Variants in TOX observed in about 807,000 individuals in gnomAD.
TOX encodes thymocyte selection-associated high mobility group box protein TOX.
Under a neutral mutation model 53.7 loss-of-function variants are expected in TOX, and 11 were observed. The ratio of observed to expected loss-of-function variants is 0.20; its 90% CI spans 0.13 to 0.34. The LOEUF is 0.34. Among genes scored for constraint, TOX ranks in the 10% least tolerant of loss-of-function variants. TOX has a pLI of 1.00. For synonymous variants in TOX, 225 were observed against 245.3 expected (o/e 0.92, Z 0.77); for missense variants, 570 against 664.6 (o/e 0.86, Z 1.56).
intron 1 of TOX, among the ~76,000 whole-genome samples, chr8:59,111,707 A>G (rs1805019427): frequency 6.6e-6 from 1 of 152,192 alleles, no homozygotes; most frequent in Non-Finnish European, 1.5e-5. Flanking sequence ...TATCATCACT[A>G]CTGTGGATCA....
intron 6 of TOX, among the ~76,000 whole-genome samples, chr8:58,826,459 A>G (rs1266792893): frequency 6.6e-6 from 1 of 152,208 alleles, no homozygotes; most frequent in Non-Finnish European, 1.5e-5. Context: ...TAATGAGTCT[A>G]GAACTTAGAG....
chr8:58,832,364 C>T (rs576653735), intron 5 of TOX, among the ~76,000 whole-genome samples: 1 of 151,884 alleles, frequency 6.6e-6, no homozygotes, highest in South Asian at 2.1e-4. Context: ...ATCCTTCACT[C>T]CTAGTTTTTA....
intron 4 of TOX, among the ~76,000 whole-genome samples, chr8:58,848,292 G>C (rs1229762348): frequency 6.6e-6 from 1 of 151,716 alleles, no homozygotes; most frequent in African/African-American, 2.4e-5. Context: ...AGAAAAATAA[G>C]AGCAATCTTA....
intron 3 of TOX, among the ~76,000 whole-genome samples, chr8:58,890,813 T>C (rs1426540511): frequency 6.6e-6 from 1 of 152,054 alleles, no homozygotes; most frequent in Non-Finnish European, 1.5e-5. Context: ...GACATAGATG[T>C]GTCAGTCCCC....
chr8:59,017,297 T>TCCAA (rs1814033500), intron 1 of TOX, among the ~76,000 whole-genome samples: 1 of 152,252 alleles, frequency 6.6e-6, no homozygotes, highest in South Asian at 2.1e-4. Flanking sequence ...ACCCTGTCTA[T>TCCAA]GTAAATTATG....
chr8:58,874,263 G>A (rs1447527431), intron 3 of TOX, among the ~76,000 whole-genome samples: 2 of 151,840 alleles, frequency 1.3e-5, no homozygotes, highest in Non-Finnish European at 2.9e-5. Flanking sequence ...AAAATTTCAG[G>A]AGGGAAAGTT....
intron 1 of TOX, among the ~76,000 whole-genome samples, chr8:59,084,627 A>G (rs1016700391): frequency 1.1e-4 from 16 of 152,188 alleles, no homozygotes; most frequent in African/African-American, 3.6e-4. Flanking sequence ...TAAGACTTCA[A>G]TAGATTGGGA....
intron 1 of TOX, among the ~76,000 whole-genome samples, chr8:59,085,680 G>A (rs968252021): frequency 6.6e-6 from 1 of 152,206 alleles, no homozygotes; most frequent in East Asian, 1.9e-4. Context: ...GAGCCACTGT[G>A]CCCAGCCTAA....
chr8:58,956,130 T>G (rs1399986068), intron 2 of TOX, among the ~76,000 whole-genome samples: 1 of 152,206 alleles, frequency 6.6e-6, no homozygotes, highest in South Asian at 2.1e-4. Flanking sequence ...AATAACCTAG[T>G]GCTGTAGAAA....
At chr8:58,900,108 T>C (rs1340852706) in intron 3 of TOX, among the ~76,000 whole-genome samples, 1 of 152,118 alleles carries the variant, frequency 6.6e-6, no homozygotes, top group Non-Finnish European at 1.5e-5. Flanking sequence ...CATTTGACCC[T>C]TCCTCTTTGA....
At chr8:58,837,780 T>C (rs1810571174) in intron 5 of TOX, among the ~76,000 whole-genome samples, 1 of 152,228 alleles carries the variant, frequency 6.6e-6, no homozygotes. Context: ...TTTTTCAGTC[T>C]TTATGTTCAC....
At chr8:58,820,207 C>T (rs968198869) in intron 6 of TOX, among the ~76,000 whole-genome samples, 1 of 151,544 alleles carries the variant, frequency 6.6e-6, no homozygotes, top group Non-Finnish European at 1.5e-5. Context: ...AAGCATTGTG[C>T]TTCTTTACTA....
At chr8:58,938,478 T>C (rs1330948104) in intron 3 of TOX, among the ~76,000 whole-genome samples, 1 of 152,206 alleles carries the variant, frequency 6.6e-6, no homozygotes, top group African/African-American at 2.4e-5. Flanking sequence ...TGACATGGTC[T>C]AAAGCTCTCT....
At chr8:59,080,540 T>C (rs1047072849) in intron 1 of TOX, among the ~76,000 whole-genome samples, 1 of 152,186 alleles carries the variant, frequency 6.6e-6, no homozygotes, top group Non-Finnish European at 1.5e-5. Context: ...GGGAAAGTCC[T>C]AGAGCAGAAT....
At chr8:59,009,475 C>T (rs986927435) in intron 1 of TOX, among the ~76,000 whole-genome samples, 3 of 152,036 alleles carry the variant, frequency 2.0e-5, no homozygotes, top group African/African-American at 7.2e-5. Flanking sequence ...CGGGTTCAAG[C>T]GTTTCTCCTG....
chr8:59,020,397 A>G (rs914822910), intron 1 of TOX, among the ~76,000 whole-genome samples: 1 of 152,136 alleles, frequency 6.6e-6, no homozygotes, highest in Non-Finnish European at 1.5e-5. Flanking sequence ...CTTTGCTGAG[A>G]ATGCTTTTCT....
intron 3 of TOX, among the ~76,000 whole-genome samples, chr8:58,895,121 G>A (rs1811620847): frequency 6.6e-6 from 1 of 152,072 alleles, no homozygotes; most frequent in South Asian, 2.1e-4. Context: ...CGGGGAGGGG[G>A]AGGTTGCACT....
intron 1 of TOX, among the ~76,000 whole-genome samples, chr8:59,004,798 T>C (rs1416537188): frequency 1.3e-5 from 2 of 152,324 alleles, no homozygotes; most frequent in Middle Eastern, 3.4e-3. Flanking sequence ...TAGTAAATAG[T>C]AACTATTATT....
intron 4 of TOX, among the ~76,000 whole-genome samples, chr8:58,844,093 G>T (rs1810685306): frequency 6.6e-6 from 1 of 152,124 alleles, no homozygotes; most frequent in Non-Finnish European, 1.5e-5. Context: ...TGCATAGATG[G>T]ATGGAAGCTT....
Sources: allele counts gnomAD v4.1 joint callset (sites outside exome capture counted in the v4.1 genomes callset), GRCh38; gene constraint gnomAD v4.1.1; transcripts MANE v1.5; gene names NCBI Gene and HGNC (gene_info 2026-07-23, HGNC 2026-07-21).